The following AP3B1 variants were observed in gnomAD, a reference collection of about 807,000 sequenced individuals.
AP3B1 encodes the protein adaptor related protein complex 3 subunit beta 1.
AP3B1 carries 61 observed loss-of-function variants against 132.5 expected under a neutral mutation model. The observed-to-expected ratio is 0.46, with a 90% CI of 0.37 to 0.57. The LOEUF (loss-of-function observed/expected upper bound fraction) is 0.57, where lower values mean the gene tolerates loss of function less well. Ranked by LOEUF, AP3B1 falls within the 20% of genes least tolerant of loss-of-function variation. AP3B1 has a pLI of 0.00. For synonymous variants in AP3B1, 388 were observed against 438.3 expected (o/e 0.89, Z 1.43); for missense variants, 1,120 against 1,289.4 (o/e 0.87, Z 2.01).
intron 22 of AP3B1, among the ~76,000 whole-genome samples, chr5:78,064,108 A>C (rs1481533595): frequency 6.6e-6 from 1 of 151,416 alleles, no homozygotes; most frequent in Non-Finnish European, 1.5e-5. Flanking sequence ...GTAGGGAAAA[A>C]ATTTTGCCAT....
chr5:78,105,306 C>T (rs1361389874), intron 20 of AP3B1, among the ~76,000 whole-genome samples: 1 of 152,038 alleles, frequency 6.6e-6, no homozygotes, highest in Non-Finnish European at 1.5e-5. Flanking sequence ...TGTGGAGGAG[C>T]ACTCTAATAT....
chr5:78,236,131 C>T (rs1323384927), intron 3 of AP3B1, among the ~76,000 whole-genome samples: 6 of 152,006 alleles, frequency 3.9e-5, no homozygotes, highest in African/African-American at 1.2e-4. Context: ...ATTTTTGTAA[C>T]AGAACATTAG....
At chr5:78,293,661 A>T (rs1749628624) in intron 1 of AP3B1, among the ~76,000 whole-genome samples, 1 of 152,126 alleles carries the variant, frequency 6.6e-6, no homozygotes. Context: ...GATTTAAAAT[A>T]AGAGAAATGT....
chr5:78,155,036 T>C (rs1047488209), intron 14 of AP3B1, among the ~76,000 whole-genome samples: 1 of 152,226 alleles, frequency 6.6e-6, no homozygotes, highest in African/African-American at 2.4e-5. Flanking sequence ...TCTCTGGGCA[T>C]TGAAGTTAGG....
intron 15 of AP3B1, 58 bp from the exon 16 acceptor site, chr5:78,129,365 CTG>C: frequency 7.4e-7 from 1 of 1,350,556 alleles, no homozygotes; most frequent in Non-Finnish European, 1.1e-6. Flanking sequence ...ATCGATAACT[CTG>C]GATAAACATA....
At chr5:78,236,023 A>T (rs1340574064) in intron 3 of AP3B1, among the ~76,000 whole-genome samples, 1 of 152,210 alleles carries the variant, frequency 6.6e-6, no homozygotes, top group Non-Finnish European at 1.5e-5. Context: ...CCAAAACATT[A>T]AAGGCTTAAC....
intron 20 of AP3B1, among the ~76,000 whole-genome samples, chr5:78,109,329 C>T (rs34433): frequency 0.17 from 26,121 of 152,046 alleles, 2,860 homozygotes; most frequent in Admixed American, 0.28. Flanking sequence ...CAATTGTCTA[C>T]TTCAATAAAT....
intron 24 of AP3B1, among the ~76,000 whole-genome samples, chr5:78,027,494 CTTTT>C (rs1308571674): frequency 6.6e-6 from 1 of 151,706 alleles, no homozygotes; most frequent in Admixed American, 6.6e-5. Flanking sequence ...TAGAGAAAGA[CTTTT>C]TTCACTAAAA....
chr5:78,109,831 T>A (rs958308266), intron 20 of AP3B1, among the ~76,000 whole-genome samples: 4 of 152,320 alleles, frequency 2.6e-5, no homozygotes, highest in Non-Finnish European at 4.4e-5. Flanking sequence ...AATTGAAGCC[T>A]TAAAACACAC....
Position 78,162,925 on chromosome 5 carries a change from T to C in AP3B1, c.1257A>G (p.Gln419=). The C allele has an allele frequency of 2.5e-6, 4 of 1,613,890 alleles. No homozygotes were observed. The highest frequency in any genetic ancestry group is 1.7e-5 in the Admixed American group (1 of 60,014). The change falls in exon 13 of 27, where the codon CAA becomes CAG. Residue 419 remains glutamine, a synonymous_variant. Transcript: ENST00000255194. ...TAGTCTGAATAGTGGCTGCTGCAAATTGTTTATCCTGGCTTTTCACATAGG... is the reference window on the plus strand; with the variant it reads ...TAGTCTGAATAGTGGCTGCTGCAAACTGTTTATCCTGGCTTTTCACATAGG... The part of the protein sequence containing the change: ...FQTYVKSQDK[Q]FAAATIQTIG...
At chr5:78,227,564 T>G in intron 4 of AP3B1, 32 bp from the exon 5 acceptor site, 1 of 1,610,690 alleles carries the variant, frequency 6.2e-7, no homozygotes, top group Non-Finnish European at 8.5e-7. Flanking sequence ...TCACCAAAAT[T>G]TCAACTTTAC....
chr5:78,034,333 T>TATCCTTTACAGTTTAAAAAAAAAA (rs1554059183), intron 24 of AP3B1, 28 bp downstream of exon 24: 112 of 1,561,488 alleles, frequency 7.2e-5, no homozygotes, highest in Middle Eastern at 1.7e-4. Flanking sequence ...ACAGGTTATA[T>TATCCTTTACAGTTTAAAAAAAAAA]AAAAAATAGA....
At chr5:78,187,969 A>G (rs1744670430) in intron 7 of AP3B1, among the ~76,000 whole-genome samples, 1 of 152,212 alleles carries the variant, frequency 6.6e-6, no homozygotes, top group South Asian at 2.1e-4. Flanking sequence ...TCTGACAAAA[A>G]CAAGCAATGG....
At chr5:78,055,698 C>T (rs1219691812) in intron 22 of AP3B1, among the ~76,000 whole-genome samples, 1 of 152,116 alleles carries the variant, frequency 6.6e-6, no homozygotes, top group Non-Finnish European at 1.5e-5. Flanking sequence ...GTCATGCAAG[C>T]TCATGGGGAG....
intron 22 of AP3B1, among the ~76,000 whole-genome samples, chr5:78,086,892 TG>T (rs1417420704): frequency 3.3e-5 from 5 of 152,164 alleles, no homozygotes; most frequent in African/African-American, 1.2e-4. Context: ...TTTCCAGGGA[TG>T]CAAGTACTTT....
At chr5:78,281,184 C>T (rs762989864) in intron 1 of AP3B1, among the ~76,000 whole-genome samples, 73 of 152,072 alleles carry the variant, frequency 4.8e-4, no homozygotes, top group Non-Finnish European at 7.6e-4. Flanking sequence ...CCTGTAATTC[C>T]AGCACTTTGG....
chr5:78,218,747 G>C (rs1011692779), intron 6 of AP3B1, among the ~76,000 whole-genome samples: 2 of 152,094 alleles, frequency 1.3e-5, no homozygotes, highest in African/African-American at 4.8e-5. Context: ...AAACCTGAGA[G>C]TGCTGGGTCA....
At chr5:78,044,319 A>C (rs1230337671) in intron 22 of AP3B1, among the ~76,000 whole-genome samples, 2 of 152,226 alleles carry the variant, frequency 1.3e-5, no homozygotes, top group African/African-American at 2.4e-5. Flanking sequence ...TATGATAATC[A>C]ACCTTAAATA....
intron 24 of AP3B1, 58 bp downstream of exon 24, chr5:78,034,298 CTTAGT>C: frequency 7.8e-7 from 1 of 1,274,736 alleles, no homozygotes; most frequent in Middle Eastern, 2.1e-4. Flanking sequence ...CTGTTGAAAG[CTTAGT>C]TTTTGATCTG....
Sources: allele counts gnomAD v4.1 joint callset (sites outside exome capture counted in the v4.1 genomes callset), GRCh38; gene constraint gnomAD v4.1.1; transcripts MANE v1.5; gene names NCBI Gene and HGNC (gene_info 2026-07-23, HGNC 2026-07-21).